GPHN: variants seen among roughly 807,000 people sequenced by gnomAD.
The protein encoded by GPHN is gephyrin.
Under a neutral mutation model 95.5 loss-of-function variants are expected in GPHN, and 17 were observed. The observed-to-expected ratio is 0.18, with a 90% CI of 0.12 to 0.27. The LOEUF (loss-of-function observed/expected upper bound fraction) is 0.27, where lower values mean the gene tolerates loss of function less well. Among genes scored for constraint, GPHN ranks in the 10% least tolerant of loss-of-function variants. The pLI is 1.00. For synonymous variants in GPHN, 320 were observed against 322.5 expected, an observed-to-expected ratio of 0.99 and a Z score of 0.08; for missense variants, 660 against 978.1, an observed-to-expected ratio of 0.67 and a Z score of 4.34.
At chr14:67,517,287 C>G in the GPHN span, among the ~76,000 whole-genome samples, 1 of 152,198 alleles carries the variant, frequency 6.6e-6, no homozygotes, top group African/African-American at 2.4e-5. Context: ...TGGCTCTCCC[C>G]CAGGCTCTGG....
Position 66,694,850 on chromosome 14 carries a change from C to T in GPHN, c.143+13665C>T, listed in dbSNP as rs28823943. The stretch of plus-strand genomic sequence containing the variant: ...AAAATATACAAGAACTCCTAAAACT[C>T]AGCAATAAGAAAATGAACAACCCTA... On this transcript the variant is annotated intron_variant, in intron 2 of 22. Coordinates refer to ENST00000478722, the MANE Select transcript of GPHN (RefSeq NM_020806.5). 8.5e-3 allele frequency among the ~76,000 whole-genome samples: 1,299 copies of T among 152,214 alleles called. 21 individuals are homozygous for T. The highest frequency in any genetic ancestry group is 0.03 in the African/African-American group (1,250 of 41,526).
chr14:67,054,050 A>G (rs1190055292), intron 10 of GPHN, among the ~76,000 whole-genome samples: 2 of 152,240 alleles, frequency 1.3e-5, no homozygotes, highest in African/African-American at 4.8e-5. Flanking sequence ...GAAAATCAGC[A>G]CAAGACAAGG....
chr14:66,715,498 G>T (rs1012724122), intron 2 of GPHN, among the ~76,000 whole-genome samples: 4 of 151,916 alleles, frequency 2.6e-5, no homozygotes, highest in Non-Finnish European at 5.9e-5. Flanking sequence ...TCTGATCGTG[G>T]TTATTTCCTT....
At chr14:66,658,381 C>T (rs912397074) in intron 1 of GPHN, among the ~76,000 whole-genome samples, 1 of 152,162 alleles carries the variant, frequency 6.6e-6, no homozygotes, top group African/African-American at 2.4e-5. Flanking sequence ...CTTGATAAAA[C>T]AGTGGCAGGA....
At chr14:67,571,182 CT>C in the GPHN span, 1 of 154,562 alleles carries the variant, frequency 6.5e-6, no homozygotes, top group Non-Finnish European at 1.4e-5. Context: ...TCTTTGGGAA[CT>C]TATATCTACA....
At chr14:67,024,114 CA>C (rs1216708850) in intron 10 of GPHN, among the ~76,000 whole-genome samples, 88 of 152,272 alleles carry the variant, frequency 5.8e-4, no homozygotes, top group Admixed American at 3.7e-3. Context: ...AATAACTTCA[CA>C]GGCAGCATGT....
intron 16 of GPHN, among the ~76,000 whole-genome samples, chr14:67,120,125 C>CAAAA (rs1393148851): frequency 1.3e-5 from 1 of 76,224 alleles, no homozygotes; most frequent in Non-Finnish European, 2.7e-5. Context: ...GACTCCATCT[C>CAAAA]AAAAAAAAAA....
At chr14:67,038,265 A>G (rs1490221447) in intron 10 of GPHN, among the ~76,000 whole-genome samples, 2 of 152,116 alleles carry the variant, frequency 1.3e-5, no homozygotes, top group Non-Finnish European at 2.9e-5. Context: ...GAACTCATAG[A>G]AAGTAGAATG....
the GPHN span, among the ~76,000 whole-genome samples, chr14:67,514,527 T>C: frequency 6.6e-6 from 1 of 151,768 alleles, no homozygotes; most frequent in Non-Finnish European, 1.5e-5. Flanking sequence ...CATCACCCAG[T>C]TTTTCCATGC....
intron 1 of GPHN, among the ~76,000 whole-genome samples, chr14:66,583,193 G>T (rs2061269785): frequency 2.0e-5 from 3 of 152,078 alleles, no homozygotes; most frequent in Non-Finnish European, 4.4e-5. Context: ...CTTTTGAGAA[G>T]TGTCTGTTCA....
At chr14:67,224,740 C>A in the GPHN span, 2 of 263,090 alleles carry the variant, frequency 7.6e-6, no homozygotes, top group Non-Finnish European at 7.5e-6. Flanking sequence ...AAAGAAAAAT[C>A]ACATAAAATA....
At chr14:66,544,570 CT>C (rs1274968964) in intron 1 of GPHN, among the ~76,000 whole-genome samples, 2 of 126,120 alleles carry the variant, frequency 1.6e-5, no homozygotes, top group African/African-American at 4.0e-5. Context: ...GCAAGCCTTT[CT>C]TTTTTTCTTT....
the GPHN span, among the ~76,000 whole-genome samples, chr14:67,239,225 G>A: frequency 3.9e-5 from 6 of 152,064 alleles, no homozygotes; most frequent in Non-Finnish European, 7.4e-5. Flanking sequence ...TGGAAGTTAC[G>A]GATAAAGATA....
chr14:67,694,477 T>TATATAC, the GPHN span, among the ~76,000 whole-genome samples: 3 of 142,900 alleles, frequency 2.1e-5, no homozygotes, highest in South Asian at 6.4e-4. Flanking sequence ...TATATATATA[T>TATATAC]ACACACACAC....
At chr14:67,026,628 C>T (rs556786187) in intron 10 of GPHN, among the ~76,000 whole-genome samples, 5 of 152,038 alleles carry the variant, frequency 3.3e-5, no homozygotes, top group East Asian at 1.9e-4. Context: ...TTATAGCCCA[C>T]ATTTTTTTTT....
At chr14:67,453,389 C>A in the GPHN span, among the ~76,000 whole-genome samples, 1 of 152,190 alleles carries the variant, frequency 6.6e-6, no homozygotes, top group Non-Finnish European at 1.5e-5. Flanking sequence ...CCTGCCCTCC[C>A]AGCTGAGACA....
rs1254755130 is a variant in GPHN at position 66,681,124 on chromosome 14, A to G, written c.82A>G (p.Arg28Gly). The G allele has an allele frequency of 2.5e-6, 4 of 1,592,102 alleles. No homozygotes were observed. In the Admixed American group the frequency reaches 6.7e-5, roughly 27 times the overall value. ...CTATTTAGTGAGTGATAGTTGCTTCAGGAATCTTGCAGAAGACCGCAGTGG... is the reference window on the plus strand; with the variant it reads ...CTATTTAGTGAGTGATAGTTGCTTCGGGAATCTTGCAGAAGACCGCAGTGG... ...GVLTVSDSCF[R>G]NLAEDRSGIN... is the part of the protein sequence containing the mutation. Residue 28 changes from arginine (R) to glycine (G), a missense_variant, in exon 2 of 23, where the codon AGG (arginine) becomes GGG (glycine). Transcript: ENST00000478722.
chr14:67,068,058 A>G (rs1017862245), intron 11 of GPHN, among the ~76,000 whole-genome samples: 1 of 152,234 alleles, frequency 6.6e-6, no homozygotes, highest in Non-Finnish European at 1.5e-5. Flanking sequence ...GAGCTGCAGA[A>G]TGGAGCTGTT....
the GPHN span, among the ~76,000 whole-genome samples, chr14:67,524,585 A>T: frequency 6.6e-6 from 1 of 152,150 alleles, no homozygotes; most frequent in East Asian, 1.9e-4. Context: ...TTCTTTCCTC[A>T]AATGGAGAAA....
Sources: gnomAD v4.1 joint callset for allele counts (sites outside exome capture counted in the v4.1 genomes callset) on GRCh38, gnomAD v4.1.1 for gene constraint, MANE v1.5 for transcripts, NCBI Gene and HGNC (gene_info 2026-07-23, HGNC 2026-07-21) for gene names.